Variants in LRP2 observed in about 807,000 individuals in gnomAD.
The protein encoded by LRP2 is LDL receptor related protein 2.
LRP2 carries 172 observed loss-of-function variants against 531.0 expected under a neutral mutation model. The ratio of observed to expected loss-of-function variants is 0.32; its 90% CI spans 0.29 to 0.37. The LOEUF is 0.37. Among genes scored for constraint, LRP2 ranks in the 10% least tolerant of loss-of-function variants. LRP2 has a pLI of 1.00. For synonymous variants in LRP2, 1,992 were observed against 2,027.6 expected (o/e 0.98, Z 0.47); for missense variants, 5,167 against 5,868.3 (o/e 0.88, Z 3.90).
At chr2:169,263,385 A>C (rs1690652569) in intron 16 of LRP2, among the ~76,000 whole-genome samples, 1 of 151,694 alleles carries the variant, frequency 6.6e-6, no homozygotes, top group Admixed American at 6.6e-5. Context: ...CAATGAACTC[A>C]AACAAATTTA....
Position 169,236,053 on chromosome 2 carries a change from GA to G in LRP2, c.4706del (p.Phe1569SerfsTer35). 2 of 1,613,734 alleles carry G rather than the reference GA, an allele frequency of 1.2e-6. No individual in the cohort carries two copies. The highest frequency in any genetic ancestry group is 1.7e-6 in the Non-Finnish European group (2 of 1,179,780). On this transcript the variant is annotated frameshift_variant, in exon 29 of 79. Coordinates refer to ENST00000649046, the MANE Select transcript of LRP2 (RefSeq NM_004525.3). LOFTEE classifies it high-confidence loss of function. The stretch of plus-strand genomic sequence containing the variant: ...GAGGGTGGTGGCCCCAGTCAGACCA[GA>G]ACAGTAGATGCTCACTGGGAAAGGA... ...LDPRMNEHLL[F>X]WSDWGHHPRI...
chr2:169,219,928 T>G (rs1688928905), intron 34 of LRP2, among the ~76,000 whole-genome samples: 1 of 152,150 alleles, frequency 6.6e-6, no homozygotes, highest in Admixed American at 6.5e-5. Context: ...CCTTATCTGT[T>G]GTATCTCCCA....
chr2:169,209,183 T>A (rs1181828995), intron 38 of LRP2, among the ~76,000 whole-genome samples: 1 of 152,156 alleles, frequency 6.6e-6, no homozygotes, highest in Non-Finnish European at 1.5e-5. Flanking sequence ...CAAATCCACA[T>A]AATTTAATAT....
At chr2:169,302,479 TC>T (rs1304694219) in intron 4 of LRP2, among the ~76,000 whole-genome samples, 2 of 152,060 alleles carry the variant, frequency 1.3e-5, no homozygotes, top group African/African-American at 4.8e-5. Flanking sequence ...TTTGACAACG[TC>T]CAGAGACATT....
At chr2:169,154,429 A>G (rs1415165867) in intron 66 of LRP2, 31 bp downstream of exon 66, 2 of 1,595,580 alleles carry the variant, frequency 1.3e-6, no homozygotes, top group South Asian at 2.2e-5. Context: ...GTCACTTAAT[A>G]TCAATGAAAG....
At chr2:169,175,652 AAC>A (rs1491203868) in intron 54 of LRP2, among the ~76,000 whole-genome samples, 1 of 152,126 alleles carries the variant, frequency 6.6e-6, no homozygotes, top group South Asian at 2.1e-4. Flanking sequence ...ACAAAAAAAA[AAC>A]AATAAACAAA....
rs1470400151 is a variant in LRP2 at position 169,128,642 on chromosome 2, T to G, written c.*21A>C. 1 of 1,608,976 alleles carries G rather than the reference T, an allele frequency of 6.2e-7. No individual in the cohort carries two copies. Among genetic ancestry groups the G allele is most frequent in the Admixed American group, 1.7e-5 (1 of 59,986 alleles). ...ATGTGCAAAAGTGTGTTTCTAATTA[T>G]TCCCTAAATAGCTGGTATAGCTATA... is the stretch of plus-strand genomic sequence containing the variant. On this transcript the variant is annotated 3_prime_UTR_variant, in exon 79 of 79. Coordinates refer to ENST00000649046, the MANE Select transcript of LRP2 (RefSeq NM_004525.3).
chr2:169,284,286 A>C (rs1173040669), intron 9 of LRP2, among the ~76,000 whole-genome samples: 1 of 13,386 alleles, frequency 7.5e-5, no homozygotes, highest in Non-Finnish European at 2.0e-4. Flanking sequence ...TTTTTTTGAG[A>C]TGGAGTCACA....
intron 4 of LRP2, among the ~76,000 whole-genome samples, chr2:169,300,807 A>G (rs1684268810): frequency 6.6e-6 from 1 of 152,090 alleles, no homozygotes; most frequent in South Asian, 2.1e-4. Context: ...GAGAGAGAGA[A>G]TAGCAAGGGC....
At chr2:169,146,690 AAT>A (rs751050599) in intron 69 of LRP2, 47 bp downstream of exon 69, 1 of 1,434,524 alleles carries the variant, frequency 7.0e-7, no homozygotes, top group Admixed American at 1.7e-5. Flanking sequence ...AGACATTAGA[AAT>A]ATGTTAATTA....
chr2:169,308,719 A>C (rs1005480754), intron 3 of LRP2, among the ~76,000 whole-genome samples: 2 of 152,144 alleles, frequency 1.3e-5, no homozygotes, highest in East Asian at 3.9e-4. Context: ...ATGATTTATA[A>C]TCCTTTGGGT....
chr2:169,131,288 T>A (rs989204726), intron 77 of LRP2, among the ~76,000 whole-genome samples: 3 of 138,208 alleles, frequency 2.2e-5, no homozygotes, highest in Non-Finnish European at 4.7e-5. Context: ...TGTGTGTGTG[T>A]GACATGAGAA....
chr2:169,175,298 G>C lies in LRP2; in HGVS notation c.10663C>G (p.Leu3555Val), dbSNP rs1220200442. Residue 3555 changes from leucine (L) to valine (V), a missense_variant, in exon 55 of 79, where the codon CTG becomes GTG. Transcript: ENST00000649046. ...LALCPQRFCRLGQFQCSDGNC... is the reference protein window; with the variant it reads ...LALCPQRFCRVGQFQCSDGNC... Reference sequence around the variant, plus strand: ...CCGTCACTGCACTGGAACTGTCCCAGTCGGCAGAAGCGCTGCGGGCAAAGG... The same window carrying C: ...CCGTCACTGCACTGGAACTGTCCCACTCGGCAGAAGCGCTGCGGGCAAAGG... 1.2e-6 allele frequency: 2 copies of C among 1,614,224 alleles called. No individual in the cohort carries two copies. The highest frequency in any genetic ancestry group is 2.2e-5 in the East Asian group (1 of 44,882).
intron 16 of LRP2, among the ~76,000 whole-genome samples, chr2:169,263,797 G>A (rs956140600): frequency 4.6e-5 from 7 of 151,948 alleles, no homozygotes; most frequent in African/African-American, 7.3e-5. Context: ...ACATGCACAC[G>A]TATGTTTATT....
In LRP2 at chr2:169,187,999, C is replaced by T. The variant is rs780954623; in HGVS notation, c.9299G>A (p.Cys3100Tyr). ...MMKLCNHLDD[C>Y]LDNSDEKGCG... The stretch of plus-strand genomic sequence containing the variant: ...GCCTTTCTCATCGCTGTTGTCCAAA[C>T]AGTCATCTAGGTGGTTGCAGAGTTT... Residue 3100 changes from cysteine to tyrosine, a missense_variant, in exon 49 of 79, where the codon TGT (cysteine) becomes TAT (tyrosine). Around this residue, in one of 6 missense-constraint regions of LRP2, gnomAD observed 1,129 missense variants for 1,362.7 expected, o/e 0.83. Coordinates refer to ENST00000649046, the MANE Select transcript of LRP2 (RefSeq NM_004525.3). The T allele has an allele frequency of 6.2e-7, 1 of 1,614,144 alleles. No homozygotes were observed. Among genetic ancestry groups the T allele is most frequent in the Non-Finnish European group, 8.5e-7 (1 of 1,179,994 alleles).
chr2:169,133,348 C>T (rs1308676009), intron 76 of LRP2, among the ~76,000 whole-genome samples: 2 of 152,308 alleles, frequency 1.3e-5, no homozygotes, highest in East Asian at 1.9e-4. Flanking sequence ...ACATTCATTA[C>T]TTGTTTATTC....
intron 16 of LRP2, among the ~76,000 whole-genome samples, chr2:169,268,588 T>G (rs1040789202): frequency 6.6e-5 from 10 of 152,308 alleles, no homozygotes; most frequent in African/African-American, 2.2e-4. Context: ...AACTAGGTAT[T>G]GATGGGATGT....
intron 67 of LRP2, among the ~76,000 whole-genome samples, chr2:169,151,537 A>G (rs1686128108): frequency 6.6e-6 from 1 of 152,120 alleles, no homozygotes; most frequent in African/African-American, 2.4e-5. Context: ...GAGCCCCGTT[A>G]GAATCAATAG....
chr2:169,311,248 G>C (rs995780936), intron 3 of LRP2, among the ~76,000 whole-genome samples: 2 of 152,256 alleles, frequency 1.3e-5, no homozygotes, highest in African/African-American at 2.4e-5. Flanking sequence ...GCTAGCTTTT[G>C]AATGTGTTTG....
Sources: gnomAD v4.1 joint callset for allele counts (sites outside exome capture counted in the v4.1 genomes callset) on GRCh38, gnomAD v4.1.1 for gene constraint, gnomAD v4.1.1 regional missense constraint, MANE v1.5 for transcripts, NCBI Gene and HGNC (gene_info 2026-07-23, HGNC 2026-07-21) for gene names.